The following ZFYVE9 variants were observed in gnomAD, a reference collection of about 807,000 sequenced individuals.
ZFYVE9 encodes the protein zinc finger FYVE-type containing 9, also known as zinc finger FYVE domain-containing protein 9.
A neutral mutation model predicts 126.7 loss-of-function variants in ZFYVE9; 43 were observed. The observed-to-expected ratio is 0.34, with a 90% CI of 0.27 to 0.44. ZFYVE9 has a LOEUF of 0.44. ZFYVE9 is among the 20% of genes least tolerant of loss of function. The pLI is 1.00. For synonymous variants in ZFYVE9, 521 were observed against 597.4 expected, an observed-to-expected ratio of 0.87 and a Z score of 1.87; for missense variants, 1,476 against 1,697.0, an observed-to-expected ratio of 0.87 and a Z score of 2.29.
chr1:52,153,052 T>C (rs1167852121), intron 1 of ZFYVE9, among the ~76,000 whole-genome samples: 2 of 152,206 alleles, frequency 1.3e-5, no homozygotes, highest in Non-Finnish European at 2.9e-5. Context: ...GGCCAGATTT[T>C]AGTACACCCA....
At chr1:52,267,271 T>C (rs932879221) in intron 6 of ZFYVE9, among the ~76,000 whole-genome samples, 4 of 152,230 alleles carry the variant, frequency 2.6e-5, no homozygotes, top group African/African-American at 9.6e-5. Context: ...TTTTCTCTTT[T>C]CATTTTTAAT....
intron 13 of ZFYVE9, among the ~76,000 whole-genome samples, chr1:52,325,697 T>C (rs936731422): frequency 1.3e-5 from 2 of 152,222 alleles, no homozygotes; most frequent in Non-Finnish European, 2.9e-5. Flanking sequence ...CTAACTAGTA[T>C]ATTCAGCAAG....
intron 17 of ZFYVE9, among the ~76,000 whole-genome samples, chr1:52,343,447 A>T (rs1646457793): frequency 1.3e-5 from 2 of 150,810 alleles, no homozygotes; most frequent in Admixed American, 1.3e-4. Context: ...CTCCATCTCA[A>T]AAAAAAAGAA....
At chr1:52,162,026 GAGTATAA>G in intron 1 of ZFYVE9, among the ~76,000 whole-genome samples, 1 of 150,750 alleles carries the variant, frequency 6.6e-6, no homozygotes, top group South Asian at 2.1e-4. Context: ...ACATCTTTAG[GAGTATAA>G]TGTAGATACT....
intron 13 of ZFYVE9, among the ~76,000 whole-genome samples, chr1:52,321,955 C>A (rs931445956): frequency 2.0e-5 from 3 of 152,204 alleles, no homozygotes; most frequent in Non-Finnish European, 4.4e-5. Context: ...TATTTCTAAG[C>A]TGACATCTTC....
rs1646480170 is a variant in ZFYVE9 at position 52,345,972 on chromosome 1, C to A, written c.4117-88C>A. The A allele has an allele frequency of 4.4e-6, 6 of 1,368,768 alleles. No individual in the cohort carries two copies. In the East Asian group the frequency reaches 1.4e-4, roughly 33 times the overall value. 84.8% of individuals were successfully genotyped at this position (1,368,768 alleles called of 1,614,324 possible). On this transcript the variant is annotated intron_variant, in intron 18 of 18. Coordinates refer to ENST00000287727, the MANE Select transcript of ZFYVE9 (RefSeq NM_004799.4). ...TTTAGCCTATGGCCAAAAAGGACATCTCCTTTCCTGCTCAGCCTCCTTGCC... is the reference window on the plus strand; with the variant it reads ...TTTAGCCTATGGCCAAAAAGGACATATCCTTTCCTGCTCAGCCTCCTTGCC...
At chr1:52,283,468 A>G (rs1332328505) in intron 10 of ZFYVE9, among the ~76,000 whole-genome samples, 2 of 152,368 alleles carry the variant, frequency 1.3e-5, no homozygotes, top group East Asian at 3.9e-4. Flanking sequence ...GTGGCAGTTA[A>G]GAAGCAATTT....
chr1:52,234,090 T>C (rs1382733150), intron 3 of ZFYVE9, among the ~76,000 whole-genome samples: 1 of 152,208 alleles, frequency 6.6e-6, no homozygotes, highest in East Asian at 1.9e-4. Flanking sequence ...CAAGATTCAC[T>C]TCTATTTAGG....
chr1:52,269,608 C>G (rs985943034), intron 7 of ZFYVE9, among the ~76,000 whole-genome samples: 3 of 152,008 alleles, frequency 2.0e-5, no homozygotes, highest in Non-Finnish European at 4.4e-5. Context: ...AGCTGACTTA[C>G]CTGTTTGGTG....
At chr1:52,215,235 A>G (rs1388459685) in intron 1 of ZFYVE9, among the ~76,000 whole-genome samples, 1 of 152,026 alleles carries the variant, frequency 6.6e-6, no homozygotes, top group African/African-American at 2.4e-5. Flanking sequence ...TTATTCTTTC[A>G]TACTTCTGAT....
Position 52,324,222 on chromosome 1 carries a change from C to T in ZFYVE9, c.3439-8546C>T, listed in dbSNP as rs146403371. Among the ~76,000 whole-genome samples, 1,163 of 151,090 alleles carry T rather than the reference C, an allele frequency of 7.7e-3. 13 individuals carry two copies. Among genetic ancestry groups the T allele is most frequent in the African/African-American group, 0.027 (1,103 of 41,094 alleles). ...TATGATTATGCCACTGCACTCCAGC[C>T]GGGGCAACAGAACAAGACCCTGTCT... On this transcript the variant is annotated intron_variant, in intron 13 of 18. Coordinates refer to ENST00000287727, the MANE Select transcript of ZFYVE9 (RefSeq NM_004799.4).
chr1:52,300,923 A>C (rs1186652325), intron 12 of ZFYVE9, among the ~76,000 whole-genome samples: 3 of 151,024 alleles, frequency 2.0e-5, no homozygotes, highest in Non-Finnish European at 2.9e-5. Context: ...GCAGTGGCAC[A>C]ATCTCGGCTC....
chr1:52,335,861 C>T (rs1175120971), intron 15 of ZFYVE9, among the ~76,000 whole-genome samples: 4 of 152,064 alleles, frequency 2.6e-5, no homozygotes, highest in Admixed American at 6.6e-5. Context: ...AGGCCGGGTG[C>T]GGTGGCTCAC....
At chr1:52,222,655 C>T (rs1192579134) in intron 2 of ZFYVE9, among the ~76,000 whole-genome samples, 1 of 152,182 alleles carries the variant, frequency 6.6e-6, no homozygotes, top group Non-Finnish European at 1.5e-5. Context: ...TCCTGGCTTC[C>T]AAGGGAATAG....
intron 1 of ZFYVE9, among the ~76,000 whole-genome samples, chr1:52,145,963 C>A (rs1043279792): frequency 6.6e-6 from 1 of 150,900 alleles, no homozygotes; most frequent in African/African-American, 2.4e-5. Flanking sequence ...TTATATAGAG[C>A]AACATTCTTA....
chr1:52,317,898 A>C (rs557113039), intron 13 of ZFYVE9, among the ~76,000 whole-genome samples: 3 of 152,306 alleles, frequency 2.0e-5, no homozygotes, highest in African/African-American at 7.2e-5. Context: ...TGTATTTATT[A>C]AAAGAATTGA....
intron 2 of ZFYVE9, among the ~76,000 whole-genome samples, chr1:52,230,300 G>T (rs769707626): frequency 4.6e-5 from 7 of 152,082 alleles, no homozygotes; most frequent in Non-Finnish European, 8.8e-5. Context: ...AACAGGAGAG[G>T]CAAACGGAGT....
chr1:52,192,481 C>T (rs1280079716), intron 1 of ZFYVE9, among the ~76,000 whole-genome samples: 2 of 152,190 alleles, frequency 1.3e-5, no homozygotes, highest in African/African-American at 4.8e-5. Flanking sequence ...AGGGTATTTG[C>T]TACCTCCTTC....
intron 4 of ZFYVE9, among the ~76,000 whole-genome samples, chr1:52,249,445 T>C (rs1028246712): frequency 5.3e-5 from 8 of 152,328 alleles, no homozygotes; most frequent in African/African-American, 1.9e-4. Context: ...TTAAAAATCT[T>C]TGGAGAAATG....
Sources: allele counts gnomAD v4.1 joint callset (sites outside exome capture counted in the v4.1 genomes callset), GRCh38; gene constraint gnomAD v4.1.1; transcripts MANE v1.5; gene names NCBI Gene and HGNC (gene_info 2026-07-23, HGNC 2026-07-21).